CADM2: variants seen among roughly 807,000 people sequenced by gnomAD.
CADM2 encodes cell adhesion molecule 2.
A neutral mutation model predicts 49.8 loss-of-function variants in CADM2; 12 were observed. The observed-to-expected ratio is 0.24, with a 90% CI of 0.15 to 0.39. The LOEUF (loss-of-function observed/expected upper bound fraction) is 0.39. Among genes scored for constraint, CADM2 ranks in the 10% least tolerant of loss-of-function variants. The pLI is 1.00. For synonymous variants in CADM2, 214 were observed against 175.4 expected (o/e 1.22, Z -1.74); for missense variants, 378 against 492.3 (o/e 0.77, Z 2.20).
intron 1 of CADM2, among the ~76,000 whole-genome samples, chr3:85,549,864 A>T (rs6549033): frequency 0.51 from 76,340 of 149,006 alleles, 22,519 homozygotes; most frequent in East Asian, 0.85. Context: ...ACTCCTGGCC[A>T]CGAGTGATTT....
At chr3:85,819,379 T>C (rs10865612) in intron 3 of CADM2, among the ~76,000 whole-genome samples, 59,740 of 151,916 alleles carry the variant, frequency 0.39, 12,041 homozygotes, top group East Asian at 0.58. Flanking sequence ...TTTGCATCCT[T>C]CAATCCAATC....
chr3:85,842,903 G>A (rs537009158), intron 3 of CADM2, among the ~76,000 whole-genome samples: 7 of 152,138 alleles, frequency 4.6e-5, no homozygotes, highest in African/African-American at 1.7e-4. Flanking sequence ...ATTCCTATAC[G>A]TTAGAGAGCA....
At chr3:85,031,676 G>A (rs544206186) in intron 1 of CADM2, among the ~76,000 whole-genome samples, 2 of 152,054 alleles carry the variant, frequency 1.3e-5, no homozygotes, top group African/African-American at 2.4e-5. Flanking sequence ...CACCACGCCC[G>A]GCTAATTTTT....
chr3:85,818,606 T>A (rs967678109), intron 3 of CADM2, among the ~76,000 whole-genome samples: 1 of 152,194 alleles, frequency 6.6e-6, no homozygotes. Context: ...TTCTGTATTA[T>A]CTATAAATAA....
intron 1 of CADM2, among the ~76,000 whole-genome samples, chr3:85,554,244 A>C (rs1013041614): frequency 3.9e-5 from 6 of 152,164 alleles, no homozygotes; most frequent in Non-Finnish European, 8.8e-5. Flanking sequence ...GGTGCCTTGC[A>C]TATGCAGTTC....
intron 1 of CADM2, among the ~76,000 whole-genome samples, chr3:84,963,416 C>A (rs192314970): frequency 1.8e-4 from 27 of 151,700 alleles, no homozygotes; most frequent in Non-Finnish European, 3.7e-4. Flanking sequence ...CTGGAAAGGG[C>A]AAAAAAGAAA....
rs886356674 is a variant in CADM2, at chr3:85,268,145, T to A, written c.61+308477T>A. On this transcript the variant is annotated intron_variant, in intron 1 of 9. Coordinates refer to ENST00000383699, the MANE Select transcript of CADM2 (RefSeq NM_001167675.2). ...AAAGAATTCCTGAGGAAGTGACAAT[T>A]GAACCGATGTCTTAGGATGAACTGG... is the stretch of plus-strand genomic sequence containing the variant. 3.3e-5 allele frequency among the ~76,000 whole-genome samples: 5 copies of A among 151,578 alleles called. No homozygotes were observed. The East Asian group carries it at 9.7e-4, about 30-fold the overall frequency.
intron 1 of CADM2, among the ~76,000 whole-genome samples, chr3:85,720,083 G>A (rs537253906): frequency 6.6e-6 from 1 of 152,226 alleles, no homozygotes; most frequent in Non-Finnish European, 1.5e-5. Flanking sequence ...TAATTGATGT[G>A]TCTTTTAGGT....
intron 1 of CADM2, among the ~76,000 whole-genome samples, chr3:85,285,187 A>G (rs112102462): frequency 7.9e-4 from 120 of 152,248 alleles, no homozygotes; most frequent in Non-Finnish European, 1.2e-3. Flanking sequence ...ATGGTTTGAG[A>G]TGCCTATTCC....
At chr3:85,289,286 C>A (rs1317867194) in intron 1 of CADM2, among the ~76,000 whole-genome samples, 1 of 152,138 alleles carries the variant, frequency 6.6e-6, no homozygotes, top group Non-Finnish European at 1.5e-5. Flanking sequence ...ACTGCATTTT[C>A]TTTTAATACT....
chr3:85,847,446 G>A (rs2074930759), intron 3 of CADM2, among the ~76,000 whole-genome samples: 1 of 152,132 alleles, frequency 6.6e-6, no homozygotes, highest in Admixed American at 6.5e-5. Flanking sequence ...CATCAGAATT[G>A]AAGCTTTAAA....
chr3:86,023,995 C>A (rs1733545154), intron 8 of CADM2, among the ~76,000 whole-genome samples: 1 of 152,174 alleles, frequency 6.6e-6, no homozygotes, highest in Non-Finnish European at 1.5e-5. Flanking sequence ...CCATTTCAAT[C>A]AAAATTTACG....
At chr3:85,950,742 A>G (rs9309998) in intron 7 of CADM2, among the ~76,000 whole-genome samples, 32,740 of 150,960 alleles carry the variant, frequency 0.22, 4,018 homozygotes, top group African/African-American at 0.34. Context: ...TTTATTTGCT[A>G]TCAAAGTTTA....
intron 8 of CADM2, chr3:86,014,307 T>C: frequency 7.3e-7 from 1 of 1,361,088 alleles, no homozygotes; most frequent in Non-Finnish European, 9.9e-7. Context: ...AAATGTCCTA[T>C]CTTTTACAAG....
intron 1 of CADM2, among the ~76,000 whole-genome samples, chr3:85,414,745 A>G (rs1351880859): frequency 6.6e-6 from 1 of 152,076 alleles, no homozygotes; most frequent in Non-Finnish European, 1.5e-5. Context: ...AGCTTTTTAC[A>G]TTTCCATTCA....
chr3:85,723,345 AT>A (rs2067574944), intron 1 of CADM2, among the ~76,000 whole-genome samples: 1 of 152,120 alleles, frequency 6.6e-6, no homozygotes, highest in Non-Finnish European at 1.5e-5. Context: ...TTAAAATTGC[AT>A]TTTTAAGATA....
At chr3:85,481,397 C>T (rs1195124420) in intron 1 of CADM2, among the ~76,000 whole-genome samples, 1 of 151,474 alleles carries the variant, frequency 6.6e-6, no homozygotes, top group African/African-American at 2.4e-5. Flanking sequence ...ATTCCTATTG[C>T]TTAAGCCGCT....
intron 1 of CADM2, among the ~76,000 whole-genome samples, chr3:85,422,405 G>A (rs2036214125): frequency 1.3e-5 from 2 of 152,012 alleles, no homozygotes; most frequent in African/African-American, 4.8e-5. Context: ...AGCTTCCCGA[G>A]TAGCTGGGAC....
At chr3:85,520,246 T>G (rs1576707110) in intron 1 of CADM2, among the ~76,000 whole-genome samples, 1 of 151,812 alleles carries the variant, frequency 6.6e-6, no homozygotes, top group East Asian at 1.9e-4. Flanking sequence ...AAGTGTCCTT[T>G]TAAAAAAAGT....
Sources: allele counts gnomAD v4.1 joint callset (sites outside exome capture counted in the v4.1 genomes callset), GRCh38; gene constraint gnomAD v4.1.1; transcripts MANE v1.5; gene names NCBI Gene and HGNC (gene_info 2026-07-23, HGNC 2026-07-21).